POLR3E: variants seen among roughly 807,000 people sequenced by gnomAD.
POLR3E encodes the protein DNA-directed RNA polymerase III subunit RPC5.
POLR3E carries 41 observed loss-of-function variants against 96.6 expected under a neutral mutation model. That is an observed-to-expected ratio of 0.42 (90% CI 0.33 to 0.55). POLR3E has a LOEUF of 0.55. Among genes scored for constraint, POLR3E ranks in the 20% least tolerant of loss-of-function variants. POLR3E has a pLI of 0.06. For synonymous variants in POLR3E, 396 were observed against 383.6 expected, an observed-to-expected ratio of 1.03 and a Z score of -0.38; for missense variants, 849 against 952.1, an observed-to-expected ratio of 0.89 and a Z score of 1.43.
At position 22,325,728 on chromosome 16, in the gene POLR3E, C is replaced by G. The variant is rs73541805; in HGVS notation, c.1349-33C>G. The G allele has an allele frequency of 1.5e-3, 2,212 of 1,513,946 alleles. 32 individuals carry two copies. The African/African-American group carries it at 0.025, about 17-fold the overall frequency. 93.8% of individuals were successfully genotyped at this position (1,513,946 alleles called of 1,614,324 possible). On this transcript the variant is annotated intron_variant, in intron 17 of 20. Transcript: ENST00000299853. ...GGGCTTTTGGCTTCAGATCCCTGTG[C>G]CCTCCTGAGCAGTGCTGCCTCCCTC...
At chr16:22,314,381 G>A (rs924212267) in intron 8 of POLR3E, among the ~76,000 whole-genome samples, 15 of 152,162 alleles carry the variant, frequency 9.9e-5, no homozygotes, top group Admixed American at 4.6e-4. Flanking sequence ...CTGGGGCCAG[G>A]AGCCCTGAGG....
chr16:22,328,342 G>C, intron 18 of POLR3E, 168 bp from the exon 19 acceptor site: 1 of 633,248 alleles, frequency 1.6e-6, no homozygotes, highest in Non-Finnish European at 2.9e-6. Flanking sequence ...TGAGGTGAGA[G>C]GCACAGGTTT....
intron 19 of POLR3E, 142 bp downstream of exon 19, chr16:22,328,729 A>C: frequency 1.4e-6 from 1 of 691,368 alleles, no homozygotes; most frequent in Admixed American, 2.1e-5. Context: ...ATCCTGCTCC[A>C]ACTCTGTACG....
In POLR3E at chr16:22,334,895, T is replaced by C. The variant is rs1192661504; in HGVS notation, c.*1195T>C. The C allele has an allele frequency of 6.6e-6, 1 of 152,220 alleles. No individual in the cohort carries two copies. The highest frequency in any genetic ancestry group is 1.9e-4 in the East Asian group (1 of 5,202). The allele number at this position is 152,220 out of a possible 1,614,324, so 9.4% of individuals were successfully genotyped here. On this transcript the variant is annotated 3_prime_UTR_variant, in exon 21 of 21. Transcript: ENST00000299853. ...TTTTGTACAACACAGTCACTAATTG[T>C]CTGAAGGTTTAAATGACGGTCTATG...
chr16:22,313,979 C>G lies in POLR3E; in HGVS notation c.473-100C>G. 1 of 1,067,432 alleles carries G rather than the reference C, an allele frequency of 9.4e-7. No individual in the cohort carries two copies. The highest frequency in any genetic ancestry group is 1.4e-6 in the Non-Finnish European group (1 of 689,788). The allele number at this position is 1,067,432 out of a possible 1,614,324, so 66.1% of individuals were successfully genotyped here. A position where few individuals can be genotyped will look rare whatever the true frequency, so the allele number is the denominator to read the frequency against. On this transcript the variant is annotated intron_variant, in intron 7 of 20. Transcript: ENST00000299853. The surrounding 1 kb of genome is among the most constrained non-coding windows in gnomAD (Gnocchi z 4.1). Reference sequence around the variant, plus strand: ...TAGGCAGCTCCCTCTGCGAGGAGAACTCCCAGCACCCCGGCCTGAGGCTTC... The same window carrying G: ...TAGGCAGCTCCCTCTGCGAGGAGAAGTCCCAGCACCCCGGCCTGAGGCTTC...
At chr16:22,310,950 T>G (rs1057287286) in intron 6 of POLR3E, among the ~76,000 whole-genome samples, 6 of 152,142 alleles carry the variant, frequency 3.9e-5, no homozygotes, top group African/African-American at 1.4e-4. Context: ...TAAAGATATA[T>G]TTTTCATAAA....
In POLR3E at chr16:22,328,530, T is replaced by C; in HGVS notation, c.1887T>C (p.Ala629=). The C allele has an allele frequency of 6.2e-7, 1 of 1,614,002 alleles. No individual in the cohort carries two copies. Among genetic ancestry groups the C allele is most frequent in the Non-Finnish European group, 8.5e-7 (1 of 1,179,892 alleles). ...ILVPFPPQTA[A]SPDEQKVFAL... is the part of the protein sequence containing the mutation. ...GTCAGTTTCCCCCCCAGACTGCTGC[T>C]TCCCCGGATGAGCAGAAGGTGTTTG... The change falls in exon 19 of 21, where the codon GCT becomes GCC. Residue 629 remains alanine, a synonymous_variant. Transcript: ENST00000299853.
intron 6 of POLR3E, among the ~76,000 whole-genome samples, chr16:22,312,358 G>C (rs796838520): frequency 7.2e-5 from 11 of 152,080 alleles, no homozygotes; most frequent in African/African-American, 2.4e-4. Flanking sequence ...TTAGCCAGGC[G>C]TGGTGGTGAG....
chr16:22,303,807 A>ATTT (rs56737281), intron 2 of POLR3E, among the ~76,000 whole-genome samples: 10 of 110,792 alleles, frequency 9.0e-5, no homozygotes, highest in African/African-American at 2.1e-4. Flanking sequence ...CGCCCGACTA[A>ATTT]TTTTTTTTTT....
chr16:22,322,389 A>G lies in POLR3E; in HGVS notation c.987-461A>G, dbSNP rs2048487998. Among the ~76,000 whole-genome samples, 1 of 152,014 alleles carries G rather than the reference A, an allele frequency of 6.6e-6. No individual in the cohort carries two copies. The highest frequency in any genetic ancestry group is 1.5e-5 in the Non-Finnish European group (1 of 67,986). Reference sequence around the variant, plus strand: ...GAGCCTGTTCTCTCCGAGGGCTAACATGCCTCCCCTGCCTCTGACCTCGGT... The same window carrying G: ...GAGCCTGTTCTCTCCGAGGGCTAACGTGCCTCCCCTGCCTCTGACCTCGGT... On this transcript the variant is annotated intron_variant, in intron 13 of 20. Transcript: ENST00000299853. The surrounding 1 kb of genome is among the most constrained non-coding windows in gnomAD (Gnocchi z 5.2).
In POLR3E at chr16:22,316,618, T is replaced by C; in HGVS notation, c.660T>C (p.His220=). 1 of 1,611,672 alleles carries C rather than the reference T, an allele frequency of 6.2e-7. No homozygotes were observed. The highest frequency in any genetic ancestry group is 8.5e-7 in the Non-Finnish European group (1 of 1,177,778). ...YYGLRDSRSE[H]ERQYLLCPGS... The stretch of plus-strand genomic sequence containing the variant: ...TCCAACAGGACAGTCGCTCTGAGCA[T>C]GAGCGTCAGTACCTGCTGTGCCCCG... The change falls in exon 10 of 21, where the codon CAT becomes CAC. Residue 220 remains histidine, a synonymous_variant. Coordinates refer to ENST00000299853, the MANE Select transcript of POLR3E (RefSeq NM_018119.4).
Position 22,305,291 on chromosome 16 carries a change from G to A in POLR3E, c.87+85G>A. ...TCAGGAACACGGGCAGGAAACGATG[G>A]GAAACCTCAGCTAGGGTTCTCGGTG... On this transcript the variant is annotated intron_variant, in intron 3 of 20. Transcript: ENST00000299853. 6 of 965,792 alleles carry A rather than the reference G, an allele frequency of 6.2e-6. No homozygotes were observed. The South Asian group carries it at 7.7e-5, about 12-fold the overall frequency. The allele number at this position is 965,792 out of a possible 1,614,324, so 59.8% of individuals were successfully genotyped here.
chr16:22,316,539 G>A, intron 9 of POLR3E, 62 bp from the exon 10 acceptor site: 2 of 1,322,488 alleles, frequency 1.5e-6, no homozygotes, highest in Admixed American at 3.5e-5. Flanking sequence ...GGCCTTGGGG[G>A]AGGGGGCCCA....
chr16:22,303,266 C>T (rs894212661), intron 2 of POLR3E, among the ~76,000 whole-genome samples: 1 of 152,248 alleles, frequency 6.6e-6, no homozygotes, highest in Admixed American at 6.5e-5. Flanking sequence ...CTCCTGCACC[C>T]TCCCGTGCCT....
rs2048804821 is a variant in POLR3E at position 22,334,238 on chromosome 16, A to G, written c.*538A>G. 1 of 152,384 alleles carries G rather than the reference A, an allele frequency of 6.6e-6. No homozygotes were observed. Among genetic ancestry groups the G allele is most frequent in the African/African-American group, 2.4e-5 (1 of 41,456 alleles). 9.4% of individuals were successfully genotyped at this position (152,384 alleles called of 1,614,324 possible). A position where few individuals can be genotyped will look rare whatever the true frequency, so the allele number is the denominator to read the frequency against. On this transcript the variant is annotated 3_prime_UTR_variant, in exon 21 of 21. Transcript: ENST00000299853. ...ATTCTGTGGCCACTTCACCTTTGACAACAACCTACTTTATGTAGCAGTCTC... is the reference window on the plus strand; with the variant it reads ...ATTCTGTGGCCACTTCACCTTTGACGACAACCTACTTTATGTAGCAGTCTC...
intron 6 of POLR3E, among the ~76,000 whole-genome samples, chr16:22,312,716 A>G (rs1055879938): frequency 1.3e-5 from 2 of 151,720 alleles, no homozygotes; most frequent in Non-Finnish European, 2.9e-5. Context: ...ATACAAAAAA[A>G]TTTAGCTGGG....
At chr16:22,319,037 C>A in intron 13 of POLR3E, 91 bp downstream of exon 13, 2 of 923,928 alleles carry the variant, frequency 2.2e-6, no homozygotes, top group Non-Finnish European at 1.6e-6. Flanking sequence ...TGTAGTGGCG[C>A]AATCTCGGCT....
At position 22,322,859 on chromosome 16, in the gene POLR3E, A is replaced by C. The variant is rs747924727; in HGVS notation, c.996A>C (p.Leu332=). Residue 332 remains leucine (L), a synonymous_variant, in exon 14 of 21, where the codon CTA becomes CTC. Transcript: ENST00000299853. The surrounding 1 kb of genome is among the most constrained non-coding windows in gnomAD (Gnocchi z 5.2). ...TCACCTGCATTGGCAGTGACATCCTATACCCCAAGGACTCGTCCAGCCCTC... is the reference window on the plus strand; with the variant it reads ...TCACCTGCATTGGCAGTGACATCCTCTACCCCAAGGACTCGTCCAGCCCTC... The part of the protein sequence containing the change: ...QGNWVVKSDI[L]YPKDSSSPHS... The C allele has an allele frequency of 5.6e-6, 9 of 1,612,156 alleles. No individual in the cohort carries two copies. In the Admixed American group the frequency reaches 1.2e-4, roughly 21 times the overall value.
Position 22,318,790 on chromosome 16 carries a change from C to T in POLR3E, c.866-36C>T. The T allele has an allele frequency of 6.3e-7, 1 of 1,597,884 alleles. No individual in the cohort carries two copies. The highest frequency in any genetic ancestry group is 8.5e-7 in the Non-Finnish European group (1 of 1,169,828). On this transcript the variant is annotated intron_variant, in intron 12 of 20. Transcript: ENST00000299853. This position sits in a 1 kb window ranked among gnomAD's most constrained non-coding sequence, Gnocchi z 5.0. ...TGGAGGGGAGGGAAGGGCCCGGCCC[C>T]TCTTCCTTGTCTGATGTCTCCTGCG...
Sources: allele counts gnomAD v4.1 joint callset (sites outside exome capture counted in the v4.1 genomes callset), GRCh38; gene constraint gnomAD v4.1.1; non-coding constraint Gnocchi (gnomAD v3.1); transcripts MANE v1.5; gene names NCBI Gene and HGNC (gene_info 2026-07-23, HGNC 2026-07-21).